LANCL2: variants seen among roughly 807,000 people sequenced by gnomAD.
The protein encoded by LANCL2 is LanC like glutathione S-transferase 2.
A neutral mutation model predicts 56.9 loss-of-function variants in LANCL2; 33 were observed. The ratio of observed to expected loss-of-function variants is 0.58; its 90% confidence interval spans 0.44 to 0.78. The LOEUF (loss-of-function observed/expected upper bound fraction) is 0.78. LANCL2 is among the 30% of genes least tolerant of loss of function. The pLI, the probability that LANCL2 is intolerant of heterozygous loss-of-function variation, is 0.00. For synonymous variants in LANCL2, 233 were observed against 228.2 expected, an observed-to-expected ratio of 1.02 and a Z score of -0.19; for missense variants, 562 against 580.2, an observed-to-expected ratio of 0.97 and a Z score of 0.32.
intron 6 of LANCL2, among the ~76,000 whole-genome samples, chr7:55,416,462 A>G (rs940577540): frequency 6.6e-6 from 1 of 151,660 alleles, no homozygotes; most frequent in Non-Finnish European, 1.5e-5. Flanking sequence ...AAATCTTTTT[A>G]TTTTTGTAGG....
At chr7:55,379,134 A>T (rs1192546210) in intron 1 of LANCL2, among the ~76,000 whole-genome samples, 1 of 150,368 alleles carries the variant, frequency 6.7e-6, no homozygotes, top group East Asian at 1.9e-4. Flanking sequence ...TGGGTGACAG[A>T]GCGAGACTAC....
chr7:55,397,205 T>C (rs975420276), intron 2 of LANCL2: 1 of 152,090 alleles, frequency 6.6e-6, no homozygotes, highest in Non-Finnish European at 1.5e-5. Flanking sequence ...TTCACGCCTG[T>C]TAATCCCAGC....
At chr7:55,373,759 A>G (rs1249251092) in intron 1 of LANCL2, among the ~76,000 whole-genome samples, 3 of 152,246 alleles carry the variant, frequency 2.0e-5, no homozygotes, top group African/African-American at 7.2e-5. Context: ...TTTAAAAGCT[A>G]TTCTGTATCT....
chr7:55,421,424 C>T (rs1326830972), intron 6 of LANCL2, among the ~76,000 whole-genome samples: 13 of 150,984 alleles, frequency 8.6e-5, no homozygotes, highest in Admixed American at 6.6e-4. Context: ...CTGCAACCTC[C>T]GCCTCCTGGG....
chr7:55,398,574 A>T lies in LANCL2; in HGVS notation c.474A>T (p.Gly158=). 6.2e-7 allele frequency: 1 copy of T among 1,614,166 alleles called. No homozygotes were observed. The highest frequency in any genetic ancestry group is 8.5e-7 in the Non-Finnish European group (1 of 1,180,030). ...GGGATGCTGGCCCCCTGGCTGTTGGAGCTGTGATTTATCACAAACTCAGAA... is the reference window on the plus strand; with the variant it reads ...GGGATGCTGGCCCCCTGGCTGTTGGTGCTGTGATTTATCACAAACTCAGAA... The part of the protein sequence containing the change: ...LCGDAGPLAV[G]AVIYHKLRSD... The change falls in exon 3 of 9, where the codon GGA becomes GGT. Residue 158 remains glycine, a synonymous_variant. Coordinates refer to ENST00000254770, the MANE Select transcript of LANCL2 (RefSeq NM_018697.4).
Position 55,365,891 on chromosome 7 carries a change from C to T in LANCL2, c.-135C>T. On this transcript the variant is annotated 5_prime_UTR_variant, in exon 1 of 9. Transcript: ENST00000254770. ...GCAGTGCACGCTCAGACGCCCCGCT[C>T]CTCCCGCCAGCGCGCGGCCTCGCTC... 1.6e-6 allele frequency: 1 copy of T among 624,756 alleles called. No homozygotes were observed. Among genetic ancestry groups the T allele is most frequent in the South Asian group, 2.6e-5 (1 of 38,090 alleles). 38.7% of individuals were successfully genotyped at this position (624,756 alleles called of 1,614,324 possible).
At chr7:55,366,282 A>G (rs757966543) in intron 1 of LANCL2, 53 bp downstream of exon 1, 14 of 1,387,668 alleles carry the variant, frequency 1.0e-5, no homozygotes, top group Non-Finnish European at 1.3e-5. Context: ...CGGCGGTGGT[A>G]GCGTCCACCT....
chr7:55,373,781 T>C (rs1789971934), intron 1 of LANCL2, among the ~76,000 whole-genome samples: 1 of 152,246 alleles, frequency 6.6e-6, no homozygotes, highest in Non-Finnish European at 1.5e-5. Context: ...GAATGTTACA[T>C]CTTGGACTCT....
chr7:55,424,864 C>G (rs561767523), intron 6 of LANCL2, among the ~76,000 whole-genome samples: 1 of 152,370 alleles, frequency 6.6e-6, no homozygotes, highest in Non-Finnish European at 1.5e-5. Flanking sequence ...TAGATTCTCG[C>G]AGGAGAGCGA....
Position 55,366,210 on chromosome 7 carries a change from C to CT in LANCL2, c.189dup (p.His64SerfsTer9). 6.5e-7 allele frequency: 1 copy of CT among 1,540,342 alleles called. No homozygotes were observed. The highest frequency in any genetic ancestry group is 8.8e-7 in the Non-Finnish European group (1 of 1,139,788). ...GCGACCACGGATGAGCCCGGCCTCCCTTTTCATCAGGACGGGAAGGTGAGT... is the reference window on the plus strand; with the variant it reads ...GCGACCACGGATGAGCCCGGCCTCCCTTTTTCATCAGGACGGGAAGGTGAGT... On this transcript the variant is annotated frameshift_variant, in exon 1 of 9. Transcript: ENST00000254770. LOFTEE classifies it high-confidence loss of function.
chr7:55,401,103 C>CCA lies in LANCL2; in HGVS notation c.679-71_679-70insCA. The CCA allele has an allele frequency of 6.8e-6, 9 of 1,320,314 alleles. 1 individual carries two copies. The South Asian group carries it at 1.1e-4, about 17-fold the overall frequency. 81.8% of individuals were successfully genotyped at this position (1,320,314 alleles called of 1,614,324 possible). A position where few individuals can be genotyped will look rare whatever the true frequency, so the allele number is the denominator to read the frequency against. On this transcript the variant is annotated intron_variant, in intron 4 of 8. Coordinates refer to ENST00000254770, the MANE Select transcript of LANCL2 (RefSeq NM_018697.4). ...CTCTATATATGTCATATATATATGA[C>CCA]ATACTGTTAATTAGACTACAACAGG...
At chr7:55,427,429 C>G (rs1164829605) in intron 7 of LANCL2, among the ~76,000 whole-genome samples, 1 of 152,130 alleles carries the variant, frequency 6.6e-6, no homozygotes, top group Admixed American at 6.5e-5. Context: ...CTTGGGTTTC[C>G]CCAAATAGTG....
intron 2 of LANCL2, among the ~76,000 whole-genome samples, chr7:55,395,156 C>T (rs368639135): frequency 1.1e-4 from 16 of 152,122 alleles, no homozygotes; most frequent in East Asian, 3.8e-4. Flanking sequence ...TTTCCCCTTC[C>T]AGGGATTTGT....
chr7:55,379,082 G>A (rs1790036141), intron 1 of LANCL2, among the ~76,000 whole-genome samples: 1 of 152,206 alleles, frequency 6.6e-6, no homozygotes, highest in South Asian at 2.1e-4. Context: ...GCCAGGAGGT[G>A]GAGCTTGCAG....
Position 55,401,245 on chromosome 7 carries a change from G to T in LANCL2, c.750G>T (p.Leu250=). Residue 250 remains leucine (L), a synonymous_variant, in exon 5 of 9, where the codon CTG becomes CTT. Transcript: ENST00000254770. Reference sequence around the variant, plus strand: ...AAAGAAAAACGGAGCGCTGCCCGCTGTTGTACCAGTGGCACCGGAAGCAGT... The same window carrying T: ...AAAGAAAAACGGAGCGCTGCCCGCTTTTGTACCAGTGGCACCGGAAGCAGT... The part of the protein sequence containing the change: ...REERKTERCP[L]LYQWHRKQYV... The T allele has an allele frequency of 6.2e-7, 1 of 1,614,172 alleles. No individual in the cohort carries two copies. Among genetic ancestry groups the T allele is most frequent in the Non-Finnish European group, 8.5e-7 (1 of 1,180,018 alleles).
chr7:55,391,825 C>A lies in LANCL2; in HGVS notation c.237C>A (p.Thr79=). 6.2e-7 allele frequency: 1 copy of A among 1,611,126 alleles called. No homozygotes were observed. The highest frequency in any genetic ancestry group is 1.1e-5 in the South Asian group (1 of 90,992). ...ATAATTTCATAAGACGGATCCAGAC[C>A]AAAATTAAAGATCTTCTGCAGCAAA... ...IIHNFIRRIQ[T]KIKDLLQQME... is the part of the protein sequence containing the mutation. Residue 79 remains threonine (T), a synonymous_variant, in exon 2 of 9, where the codon ACC becomes ACA. Transcript: ENST00000254770.
chr7:55,429,210 T>A (rs922509998), intron 8 of LANCL2, among the ~76,000 whole-genome samples: 2 of 152,254 alleles, frequency 1.3e-5, no homozygotes, highest in African/African-American at 4.8e-5. Context: ...TCTTCTCTTC[T>A]GTTTTCTGGG....
At chr7:55,372,973 A>C (rs562322036) in intron 1 of LANCL2, among the ~76,000 whole-genome samples, 2 of 152,220 alleles carry the variant, frequency 1.3e-5, no homozygotes, top group Non-Finnish European at 2.9e-5. Flanking sequence ...GATGATAAGG[A>C]ATAACCAAAC....
intron 6 of LANCL2, among the ~76,000 whole-genome samples, chr7:55,419,070 C>A (rs1790577129): frequency 6.6e-6 from 1 of 151,904 alleles, no homozygotes; most frequent in Non-Finnish European, 1.5e-5. Flanking sequence ...TACATATTTT[C>A]TTTTTCTATA....
Sources: allele counts gnomAD v4.1 joint callset (sites outside exome capture counted in the v4.1 genomes callset), GRCh38; gene constraint gnomAD v4.1.1; transcripts MANE v1.5; gene names NCBI Gene and HGNC (gene_info 2026-07-23, HGNC 2026-07-21).